Variants in SIPA1L2 observed in about 807,000 individuals in gnomAD.
SIPA1L2 encodes the protein signal-induced proliferation-associated 1-like protein 2.
Under a neutral mutation model 163.9 loss-of-function variants are expected in SIPA1L2, and 56 were observed. That is an observed-to-expected ratio of 0.34 (90% CI 0.28 to 0.43). The LOEUF is 0.43. SIPA1L2 is among the 20% of genes least tolerant of loss of function. SIPA1L2 has a pLI of 1.00. For missense variants in SIPA1L2, 1,974 were observed against 2,193.5 expected (o/e 0.90, Z 2.00); for synonymous variants, 877 against 865.7 (o/e 1.01, Z -0.23).
rs563946615 is a variant in SIPA1L2 at position 232,608,559 on chromosome 1, C to T, written c.-319+21310G>A. 3.9e-5 allele frequency among the ~76,000 whole-genome samples: 6 copies of T among 152,308 alleles called. No individual in the cohort carries two copies. The East Asian group carries it at 1.2e-3, about 29-fold the overall frequency. On this transcript the variant is annotated intron_variant, in intron 1 of 22. Coordinates refer to ENST00000674635, the MANE Select transcript of SIPA1L2 (RefSeq NM_020808.5). Reference sequence around the variant, plus strand: ...TGTCTCTTCCTCTACCCTCTGAGTACAAGCTCAGACATTAACATGGTCCTC... The same window carrying T: ...TGTCTCTTCCTCTACCCTCTGAGTATAAGCTCAGACATTAACATGGTCCTC...
intron 3 of SIPA1L2, among the ~76,000 whole-genome samples, chr1:232,493,914 A>C (rs975479905): frequency 1.3e-5 from 2 of 152,126 alleles, no homozygotes; most frequent in Non-Finnish European, 2.9e-5. Context: ...CTAACCCAAA[A>C]TTGTTATTTT....
intron 1 of SIPA1L2, among the ~76,000 whole-genome samples, chr1:232,584,735 T>G (rs962474698): frequency 6.6e-6 from 1 of 152,220 alleles, no homozygotes; most frequent in African/African-American, 2.4e-5. Context: ...ATGAACTTCT[T>G]AAATCATACT....
At chr1:232,594,970 TTTG>T (rs1159067247) in intron 1 of SIPA1L2, among the ~76,000 whole-genome samples, 1 of 152,158 alleles carries the variant, frequency 6.6e-6, no homozygotes, top group Admixed American at 6.5e-5. Context: ...GGCATCTGTT[TTTG>T]TTGTTGTTGT....
intron 12 of SIPA1L2, among the ~76,000 whole-genome samples, chr1:232,442,940 C>T (rs531453829): frequency 6.6e-6 from 1 of 152,330 alleles, no homozygotes; most frequent in Non-Finnish European, 1.5e-5. Flanking sequence ...ATAAGCTGCT[C>T]CTCAGAGTGG....
chr1:232,438,973 T>C (rs566348210), intron 15 of SIPA1L2, 135 bp downstream of exon 15: 303 of 828,476 alleles, frequency 3.7e-4, no homozygotes, highest in Non-Finnish European at 4.7e-4. Context: ...CTTCCTCTGA[T>C]GTCAGACAGC....
At chr1:232,506,322 T>C (rs1384564909) in intron 3 of SIPA1L2, among the ~76,000 whole-genome samples, 1 of 152,160 alleles carries the variant, frequency 6.6e-6, no homozygotes, top group African/African-American at 2.4e-5. Context: ...CAGGGGGGAT[T>C]TGTATTATTA....
At chr1:232,526,396 T>C (rs1049709982) in intron 2 of SIPA1L2, among the ~76,000 whole-genome samples, 9 of 94,044 alleles carry the variant, frequency 9.6e-5, no homozygotes, top group Non-Finnish European at 1.9e-4. Context: ...TTTCACACAC[T>C]GGAGTGGGGT....
Position 232,424,098 on chromosome 1 carries a change from C to T in SIPA1L2, c.4630+1491G>A, listed in dbSNP as rs1661738585. Among the ~76,000 whole-genome samples the T allele has an allele frequency of 3.3e-5, 5 of 151,916 alleles. No homozygotes were observed. The South Asian group carries it at 8.3e-4, about 25-fold the overall frequency. ...ACATTTTAGAAACACACAGAATGTA[C>T]ACCACCAGGAACGAACCCTAATGTA... On this transcript the variant is annotated intron_variant, in intron 18 of 22. Transcript: ENST00000674635.
chr1:232,593,370 C>T (rs888218260), intron 1 of SIPA1L2, among the ~76,000 whole-genome samples: 8 of 152,118 alleles, frequency 5.3e-5, no homozygotes, highest in Non-Finnish European at 7.4e-5. Context: ...TCAGCACGCA[C>T]GGGCTGTGTG....
At chr1:232,567,707 C>T (rs1040970513) in intron 2 of SIPA1L2, among the ~76,000 whole-genome samples, 2 of 152,140 alleles carry the variant, frequency 1.3e-5, no homozygotes, top group Non-Finnish European at 2.9e-5. Flanking sequence ...TCCTAAAATA[C>T]TTAAAATTTC....
chr1:232,424,740 T>C (rs573582686), intron 18 of SIPA1L2, among the ~76,000 whole-genome samples: 14 of 152,332 alleles, frequency 9.2e-5, no homozygotes, highest in Admixed American at 3.9e-4. Flanking sequence ...ATTGGAAATA[T>C]TATTAGAACT....
At chr1:232,411,362 G>A (rs559825022) in intron 19 of SIPA1L2, among the ~76,000 whole-genome samples, 1 of 152,276 alleles carries the variant, frequency 6.6e-6, no homozygotes, top group African/African-American at 2.4e-5. Context: ...TGGGGTTTGA[G>A]GGGTAAGGCA....
chr1:232,479,207 T>A (rs1665195384), intron 7 of SIPA1L2, among the ~76,000 whole-genome samples: 1 of 152,152 alleles, frequency 6.6e-6, no homozygotes, highest in South Asian at 2.1e-4. Flanking sequence ...AATAAATCCA[T>A]TTAAAACAAC....
At chr1:232,606,520 T>C (rs138675765) in intron 1 of SIPA1L2, among the ~76,000 whole-genome samples, 23 of 151,978 alleles carry the variant, frequency 1.5e-4, no homozygotes, top group African/African-American at 5.3e-4. Flanking sequence ...TGCGGAAAAA[T>C]ATTCTCATTG....
rs3737836 is a variant in SIPA1L2 at position 232,415,260 on chromosome 1, G to C, written c.4762+234C>G. ...ACAAATGGTGCCAGAGCTAGAATTCGGGTTTTCAGATTTCTTGCCTAGTGC... is the reference window on the plus strand; with the variant it reads ...ACAAATGGTGCCAGAGCTAGAATTCCGGTTTTCAGATTTCTTGCCTAGTGC... On this transcript the variant is annotated intron_variant, in intron 19 of 22. Coordinates refer to ENST00000674635, the MANE Select transcript of SIPA1L2 (RefSeq NM_020808.5). Among the ~76,000 whole-genome samples the C allele has an allele frequency of 6.2e-3, 944 of 152,290 alleles. 48 individuals carry two copies. The East Asian group carries it at 0.13, about 22-fold the overall frequency.
rs547240607 is a variant in SIPA1L2, at chr1:232,486,828, G to A, written c.1807-2862C>T. Among the ~76,000 whole-genome samples the A allele has an allele frequency of 3.9e-5, 6 of 152,258 alleles. No individual in the cohort carries two copies. The South Asian group carries it at 6.2e-4, about 16-fold the overall frequency. Reference sequence around the variant, plus strand: ...AATGTGGTATCAACTAAATACTCCCGGGGTATATCAGAAGGCTAGCAACAT... The same window carrying A: ...AATGTGGTATCAACTAAATACTCCCAGGGTATATCAGAAGGCTAGCAACAT... On this transcript the variant is annotated intron_variant, in intron 5 of 22. Coordinates refer to ENST00000674635, the MANE Select transcript of SIPA1L2 (RefSeq NM_020808.5).
rs974774900 is a variant in SIPA1L2, at chr1:232,496,804, T to A, written c.1484-3144A>T. Among the ~76,000 whole-genome samples the A allele has an allele frequency of 1.3e-4, 20 of 149,058 alleles. 1 individual carries two copies. The highest frequency in any genetic ancestry group is 2.6e-5 in the African/African-American group (1 of 38,490). On this transcript the variant is annotated intron_variant, in intron 3 of 22. Coordinates refer to ENST00000674635, the MANE Select transcript of SIPA1L2 (RefSeq NM_020808.5). ...TTTTTCCCTCAATGGGCCAAATGCA[T>A]CATAAGCCAAATGCATTAAGAAAAA...
At position 232,572,748 on chromosome 1, in the gene SIPA1L2, T is replaced by TACACAC. The variant is rs1235626162; in HGVS notation, c.-270+1425_-270+1426insGTGTGT. 1.1e-4 allele frequency among the ~76,000 whole-genome samples: 6 copies of TACACAC among 56,146 alleles called. 1 individual carries two copies. Among genetic ancestry groups the TACACAC allele is most frequent in the African/African-American group, 3.4e-4 (5 of 14,674 alleles). 36.8% of individuals were successfully genotyped at this position (56,146 alleles called of 152,430 possible). A position where few individuals can be genotyped will look rare whatever the true frequency, so the allele number is the denominator to read the frequency against. On this transcript the variant is annotated intron_variant, in intron 2 of 22. Transcript: ENST00000674635. ...ATATATACATACATACATATATATATATATATATATATATATATATATATA... is the reference window on the plus strand; with the variant it reads ...ATATATACATACATACATATATATATACACACATATATATATATATATATATATATA...
At chr1:232,600,852 C>T (rs964111158) in intron 1 of SIPA1L2, among the ~76,000 whole-genome samples, 2 of 152,154 alleles carry the variant, frequency 1.3e-5, no homozygotes, top group Non-Finnish European at 2.9e-5. Context: ...GACAGCCAGG[C>T]AGCCTACACA....
Sources: gnomAD v4.1 joint callset for allele counts (sites outside exome capture counted in the v4.1 genomes callset) on GRCh38, gnomAD v4.1.1 for gene constraint, MANE v1.5 for transcripts, NCBI Gene and HGNC (gene_info 2026-07-23, HGNC 2026-07-21) for gene names.